MYCBP2: variants seen among roughly 807,000 people sequenced by gnomAD.
MYCBP2 encodes the protein MYC binding protein 2, also known as E3 ubiquitin-protein ligase MYCBP2.
MYCBP2 carries 120 observed loss-of-function variants against 525.3 expected under a neutral mutation model. The ratio of observed to expected loss-of-function variants is 0.23; its 90% CI spans 0.20 to 0.27. The LOEUF is 0.27. Among genes scored for constraint, MYCBP2 ranks in the 10% least tolerant of loss-of-function variants. The pLI, the probability that MYCBP2 is intolerant of heterozygous loss-of-function variation, is 1.00. For synonymous variants in MYCBP2, 1,894 were observed against 1,955.8 expected (o/e 0.97, Z 0.83); for missense variants, 4,149 against 5,657.1 (o/e 0.73, Z 8.55).
chr13:77,147,121 C>A (rs1022408063), intron 47 of MYCBP2, among the ~76,000 whole-genome samples: 1 of 151,984 alleles, frequency 6.6e-6, no homozygotes, highest in African/African-American at 2.4e-5. Flanking sequence ...ACATACAATA[C>A]GATATTATTT....
At chr13:77,118,993 T>C (rs549399308) in intron 55 of MYCBP2, among the ~76,000 whole-genome samples, 1 of 152,318 alleles carries the variant, frequency 6.6e-6, no homozygotes, top group African/African-American at 2.4e-5. Flanking sequence ...AACATAGCAA[T>C]GTGTTTACAT....
chr13:77,289,487 C>T (rs1383396426), intron 2 of MYCBP2, among the ~76,000 whole-genome samples: 1 of 150,796 alleles, frequency 6.6e-6, no homozygotes, highest in Non-Finnish European at 1.5e-5. Context: ...GATCACTTGA[C>T]AAAAATCCAG....
intron 58 of MYCBP2, among the ~76,000 whole-genome samples, chr13:77,093,996 A>G (rs2045846576): frequency 6.6e-6 from 1 of 152,174 alleles, no homozygotes; most frequent in Non-Finnish European, 1.5e-5. Context: ...TTGCTAACCT[A>G]AGTCCACTGA....
intron 82 of MYCBP2, among the ~76,000 whole-genome samples, chr13:77,049,853 C>G (rs1215317345): frequency 1.3e-5 from 2 of 152,154 alleles, no homozygotes; most frequent in Admixed American, 6.5e-5. Flanking sequence ...CCAGGCTGGT[C>G]TCGTACTCCT....
intron 52 of MYCBP2, among the ~76,000 whole-genome samples, chr13:77,128,192 A>G (rs1781181009): frequency 6.6e-6 from 1 of 151,932 alleles, no homozygotes; most frequent in African/African-American, 2.4e-5. Flanking sequence ...AACTTTACAT[A>G]GTACTTGCTA....
At chr13:77,257,604 C>G in intron 14 of MYCBP2, 67 bp downstream of exon 14, 1 of 1,397,576 alleles carries the variant, frequency 7.2e-7, no homozygotes, top group Non-Finnish European at 9.5e-7. Flanking sequence ...AGACTTTTCA[C>G]TATGTTGTTC....
At chr13:77,198,847 A>G (rs1230499468) in intron 26 of MYCBP2, among the ~76,000 whole-genome samples, 4 of 152,346 alleles carry the variant, frequency 2.6e-5, no homozygotes, top group Non-Finnish European at 4.4e-5. Flanking sequence ...TAAAATGGCT[A>G]TAAGAAAGTA....
At chr13:77,163,834 A>C (rs2058224657) in intron 43 of MYCBP2, among the ~76,000 whole-genome samples, 1 of 152,120 alleles carries the variant, frequency 6.6e-6, no homozygotes, top group South Asian at 2.1e-4. Context: ...ATTTTAATTC[A>C]CTTCTCAGAG....
At chr13:77,166,165 T>C (rs1334117323) in intron 41 of MYCBP2, among the ~76,000 whole-genome samples, 164 bp downstream of exon 41, 3 of 152,198 alleles carry the variant, frequency 2.0e-5, no homozygotes, top group Non-Finnish European at 1.5e-5. Flanking sequence ...CTGTGCCCCT[T>C]GCCCAGGGTA....
intron 61 of MYCBP2, 40 bp downstream of exon 61, chr13:77,088,792 T>C (rs755978941): frequency 6.6e-6 from 10 of 1,524,276 alleles, no homozygotes; most frequent in Non-Finnish European, 9.0e-6. Flanking sequence ...ACATGATTTG[T>C]ATAATCAATG....
intron 68 of MYCBP2, among the ~76,000 whole-genome samples, chr13:77,071,205 C>G (rs7998514): frequency 4.0e-5 from 6 of 149,966 alleles, no homozygotes; most frequent in African/African-American, 1.5e-4. Context: ...GCACGCTGTT[C>G]TTCTAAGTGC....
chr13:77,182,063 T>A, intron 32 of MYCBP2, 141 bp from the exon 33 acceptor site: 1 of 629,024 alleles, frequency 1.6e-6, no homozygotes, highest in East Asian at 2.7e-5. Context: ...TGTCTTGTTA[T>A]AGAATAATAC....
At chr13:77,074,393 C>A (rs1594260796) in intron 68 of MYCBP2, among the ~76,000 whole-genome samples, 1 of 152,072 alleles carries the variant, frequency 6.6e-6, no homozygotes, top group Admixed American at 6.5e-5. Context: ...ATCTGTGTGA[C>A]CTTGGGTTCT....
Position 77,166,329 on chromosome 13 carries a change from C to G in MYCBP2, c.6340G>C (p.Gly2114Arg). ...GWPTMVLVLP[G>R]NEALFSLETA... Reference sequence around the variant, plus strand: ...AAAACAGAAGAAAAAAAAAACTTACCTGGCAACACCAAAACCATAGTAGGC... The same window carrying G: ...AAAACAGAAGAAAAAAAAAACTTACGTGGCAACACCAAAACCATAGTAGGC... The change falls in exon 41 of 83, where the codon GGA (glycine) becomes CGA (arginine). Residue 2114 changes from glycine to arginine, a missense_variant and splice_region_variant. This residue lies in a region of MYCBP2 where 692 missense variants were observed against 852.7 expected (regional missense o/e 0.81). Coordinates refer to ENST00000544440, the MANE Select transcript of MYCBP2 (RefSeq NM_015057.5). The G allele has an allele frequency of 6.3e-7, 1 of 1,582,714 alleles. No individual in the cohort carries two copies. The highest frequency in any genetic ancestry group is 8.6e-7 in the Non-Finnish European group (1 of 1,167,598).
chr13:77,156,074 T>C lies in MYCBP2; in HGVS notation c.6899A>G (p.His2300Arg). ...QTKDQYGDVV[H>R]VPNMKVEVKA... ...TATAATTACCTTCATATTGGGAACA[T>C]GTACCACATCCCCATACTGGTCTTT... The change falls in exon 46 of 83, where the codon CAT becomes CGT. Residue 2300 changes from histidine (H) to arginine (R), a missense_variant. Transcript: ENST00000544440. 1.2e-6 allele frequency: 2 copies of C among 1,613,286 alleles called. No individual in the cohort carries two copies.
intron 18 of MYCBP2, among the ~76,000 whole-genome samples, chr13:77,232,479 A>T (rs2067267967): frequency 6.6e-6 from 1 of 152,198 alleles, no homozygotes; most frequent in Non-Finnish European, 1.5e-5. Flanking sequence ...GAAAATAAGC[A>T]TGCTTTAAGA....
chr13:77,098,150 C>G lies in MYCBP2; in HGVS notation c.9004G>C (p.Glu3002Gln). ...CANRHTRPKK[E>Q]KSSFLFKGDG... ...CCTTTGAAAAGAAAACTCGATTTTT[C>G]TTTTTTGGGCCTGGTGTGTCTATTA... Residue 3002 changes from glutamate (E) to glutamine (Q), a missense_variant, in exon 56 of 83, where the codon GAA (glutamate) becomes CAA (glutamine). Coordinates refer to ENST00000544440, the MANE Select transcript of MYCBP2 (RefSeq NM_015057.5). The G allele has an allele frequency of 1.2e-6, 2 of 1,613,494 alleles. No homozygotes were observed. Among genetic ancestry groups the G allele is most frequent in the Non-Finnish European group, 1.7e-6 (2 of 1,179,736 alleles).
At position 77,296,651 on chromosome 13, in the gene MYCBP2, T is replaced by G; in HGVS notation, c.326A>C (p.Lys109Thr). ...GCTCTTCTGTTTTCTTTTCAATTTC[T>G]TCTTATTTAAAATTTTCTTATTCCT... ...ASRNKKILNK[K>T]KLKRKQKSKS... The change falls in exon 2 of 83, where the codon AAG (lysine) becomes ACG (threonine). Residue 109 changes from lysine to threonine, a missense_variant. This residue lies in a region of MYCBP2 where 413 missense variants were observed against 451.2 expected (regional missense o/e 0.92). Coordinates refer to ENST00000544440, the MANE Select transcript of MYCBP2 (RefSeq NM_015057.5). 6.7e-7 allele frequency: 1 copy of G among 1,503,752 alleles called. No individual in the cohort carries two copies. Among genetic ancestry groups the G allele is most frequent in the Non-Finnish European group, 9.0e-7 (1 of 1,107,446 alleles). The allele number at this position is 1,503,752 out of a possible 1,614,324, so 93.2% of individuals were successfully genotyped here.
intron 1 of MYCBP2, among the ~76,000 whole-genome samples, chr13:77,319,743 T>C (rs2081369767): frequency 6.6e-6 from 1 of 152,186 alleles, no homozygotes; most frequent in Non-Finnish European, 1.5e-5. Flanking sequence ...GTTGCATAGC[T>C]ACAGTGCATG....
Sources: allele counts gnomAD v4.1 joint callset (sites outside exome capture counted in the v4.1 genomes callset), GRCh38; gene constraint gnomAD v4.1.1; regional missense constraint gnomAD v4.1.1; transcripts MANE v1.5; gene names NCBI Gene and HGNC (gene_info 2026-07-23, HGNC 2026-07-21).